The following RASEF variants were observed in gnomAD, a reference collection of about 807,000 sequenced individuals.
RASEF encodes ras and EF-hand domain-containing protein.
Under a neutral mutation model 90.1 loss-of-function variants are expected in RASEF, and 68 were observed. The ratio of observed to expected loss-of-function variants is 0.75; its 90% CI spans 0.62 to 0.92. The LOEUF (loss-of-function observed/expected upper bound fraction) is 0.92. RASEF is among the 40% of genes least tolerant of loss of function. RASEF has a pLI of 0.00. For synonymous variants in RASEF, 331 were observed against 345.2 expected, an observed-to-expected ratio of 0.96 and a Z score of 0.46; for missense variants, 949 against 937.2, an observed-to-expected ratio of 1.01 and a Z score of -0.16.
the RASEF span, among the ~76,000 whole-genome samples, chr9:83,192,249 T>G: frequency 6.6e-6 from 1 of 152,160 alleles, no homozygotes; most frequent in Non-Finnish European, 1.5e-5. Flanking sequence ...CAAAGACACA[T>G]GCATGTGTAT....
chr9:83,038,726 C>T (rs1301419328), intron 1 of RASEF, among the ~76,000 whole-genome samples: 1 of 151,890 alleles, frequency 6.6e-6, no homozygotes, highest in Non-Finnish European at 1.5e-5. Flanking sequence ...TACATAGGAC[C>T]ACTATATAAT....
Position 82,979,880 on chromosome 9 carries a change from A to G in RASEF, c.*2797T>C, listed in dbSNP as rs1306275245. On this transcript the variant is annotated 3_prime_UTR_variant, in exon 17 of 17. Coordinates refer to ENST00000376447, the MANE Select transcript of RASEF (RefSeq NM_152573.4). ...CATCACTGAAGCCGATCACTGTACA[A>G]ATATGAAAATAAATCTTTATCTTTA... The G allele has an allele frequency of 6.6e-6, 1 of 152,204 alleles. No homozygotes were observed. The highest frequency in any genetic ancestry group is 1.5e-5 in the Non-Finnish European group (1 of 68,038). The allele number at this position is 152,204 out of a possible 1,614,324, so 9.4% of individuals were successfully genotyped here.
intron 4 of RASEF, among the ~76,000 whole-genome samples, chr9:83,015,402 T>C (rs1335905830): frequency 6.6e-6 from 1 of 152,180 alleles, no homozygotes. Flanking sequence ...TCTTTCAGGC[T>C]GGGCACAGTG....
At chr9:83,118,022 G>A in the RASEF span, among the ~76,000 whole-genome samples, 1 of 152,114 alleles carries the variant, frequency 6.6e-6, no homozygotes, top group African/African-American at 2.4e-5. Context: ...CTGGGCCTCA[G>A]TTTACTCAAC....
the RASEF span, among the ~76,000 whole-genome samples, chr9:83,071,549 G>A: frequency 1.3e-5 from 2 of 152,070 alleles, no homozygotes; most frequent in Admixed American, 6.5e-5. Context: ...GGAACCACAG[G>A]CGCACACCAC....
chr9:83,002,512 A>C (rs1829059600), intron 9 of RASEF, among the ~76,000 whole-genome samples: 1 of 150,442 alleles, frequency 6.6e-6, no homozygotes, highest in African/African-American at 2.4e-5. Context: ...ATATATTTTA[A>C]TATTTATTTA....
chr9:83,070,092 A>T, the RASEF span, among the ~76,000 whole-genome samples: 1 of 150,624 alleles, frequency 6.6e-6, no homozygotes, highest in Non-Finnish European at 1.5e-5. Context: ...CTTTGCCTTT[A>T]CATTTTTTTA....
chr9:83,012,815 T>C (rs1205966046), intron 4 of RASEF, among the ~76,000 whole-genome samples: 1 of 152,234 alleles, frequency 6.6e-6, no homozygotes, highest in African/African-American at 2.4e-5. Context: ...TCAGTTATGC[T>C]ACATTAGAAT....
chr9:83,119,468 A>G, the RASEF span, among the ~76,000 whole-genome samples: 2 of 152,160 alleles, frequency 1.3e-5, no homozygotes, highest in East Asian at 3.9e-4. Flanking sequence ...TGCTTTACCA[A>G]TGGTTATCCT....
At chr9:83,207,063 A>G in the RASEF span, among the ~76,000 whole-genome samples, 1 of 152,162 alleles carries the variant, frequency 6.6e-6, no homozygotes, top group Non-Finnish European at 1.5e-5. Context: ...TTCTGAAAAG[A>G]GACCCCTGAT....
At chr9:83,057,992 A>G (rs1389665878) in intron 1 of RASEF, among the ~76,000 whole-genome samples, 2 of 150,694 alleles carry the variant, frequency 1.3e-5, no homozygotes, top group South Asian at 2.1e-4. Context: ...AAGGTGACTC[A>G]GGGCCACCTT....
At chr9:83,185,626 G>A in the RASEF span, among the ~76,000 whole-genome samples, 1 of 152,026 alleles carries the variant, frequency 6.6e-6, no homozygotes, top group African/African-American at 2.4e-5. Flanking sequence ...AAACACACAT[G>A]AATGTTCCCC....
At chr9:83,068,323 C>T in the RASEF span, among the ~76,000 whole-genome samples, 3 of 152,238 alleles carry the variant, frequency 2.0e-5, no homozygotes, top group African/African-American at 7.2e-5. Context: ...TGTACATGCT[C>T]TGCATGAAGT....
At chr9:83,137,149 TA>T in the RASEF span, among the ~76,000 whole-genome samples, 1 of 152,126 alleles carries the variant, frequency 6.6e-6, no homozygotes, top group Non-Finnish European at 1.5e-5. Flanking sequence ...TAGCCTATAT[TA>T]AACAATTCTT....
the RASEF span, among the ~76,000 whole-genome samples, chr9:83,151,330 C>G: frequency 6.6e-6 from 1 of 152,066 alleles, no homozygotes; most frequent in Non-Finnish European, 1.5e-5. Flanking sequence ...AAGGAATTTC[C>G]AAGAGGCCTG....
the RASEF span, among the ~76,000 whole-genome samples, chr9:83,200,102 C>A: frequency 6.6e-6 from 1 of 152,124 alleles, no homozygotes; most frequent in Admixed American, 6.5e-5. Flanking sequence ...TTCTAAAGGC[C>A]GGGCGCGGTG....
intron 1 of RASEF, among the ~76,000 whole-genome samples, chr9:83,033,257 G>C (rs1434237533): frequency 5.9e-5 from 9 of 152,312 alleles, no homozygotes; most frequent in Admixed American, 5.2e-4. Flanking sequence ...GGCGCCATGA[G>C]AGATCTTGAA....
chr9:83,174,764 T>C, the RASEF span, among the ~76,000 whole-genome samples: 49 of 152,310 alleles, frequency 3.2e-4, no homozygotes, highest in South Asian at 9.7e-3. Context: ...ATGAGATGTC[T>C]TTCCACTTAT....
intron 1 of RASEF, chr9:83,048,520 T>C (rs1481875782): frequency 1.7e-5 from 17 of 984,612 alleles, no homozygotes; most frequent in Non-Finnish European, 2.0e-5. Flanking sequence ...GTCCTGGGCA[T>C]ACAGTGGATA....
Sources: allele counts gnomAD v4.1 joint callset (sites outside exome capture counted in the v4.1 genomes callset), GRCh38; gene constraint gnomAD v4.1.1; transcripts MANE v1.5; gene names NCBI Gene and HGNC (gene_info 2026-07-23, HGNC 2026-07-21).